MACROD2: variants seen among roughly 807,000 people sequenced by gnomAD.
MACROD2 encodes ADP-ribose glycohydrolase MACROD2.
In MACROD2, 36 loss-of-function variants were observed where a neutral mutation model predicts 70.4. That is an observed-to-expected ratio of 0.51 (90% CI 0.39 to 0.68). The LOEUF (loss-of-function observed/expected upper bound fraction) is 0.68. Ranked by LOEUF, MACROD2 falls within the 30% of genes least tolerant of loss-of-function variation. MACROD2 has a pLI of 0.00. For synonymous variants in MACROD2, 172 were observed against 178.8 expected (o/e 0.96, Z 0.30); for missense variants, 496 against 538.4 (o/e 0.92, Z 0.78).
At chr20:15,275,076 G>A (rs979980055) in intron 6 of MACROD2, among the ~76,000 whole-genome samples, 10 of 152,158 alleles carry the variant, frequency 6.6e-5, no homozygotes, top group African/African-American at 1.2e-4. Context: ...GCTAAAGGGT[G>A]AAGAATTAGG....
At chr20:14,231,036 T>C (rs1308703110) in intron 3 of MACROD2, among the ~76,000 whole-genome samples, 1 of 151,884 alleles carries the variant, frequency 6.6e-6, no homozygotes, top group African/African-American at 2.4e-5. Context: ...AATCTTAAAA[T>C]ATTCAGTAGA....
intron 8 of MACROD2, among the ~76,000 whole-genome samples, chr20:15,743,439 T>C (rs1231958296): frequency 1.3e-5 from 2 of 152,196 alleles, no homozygotes; most frequent in Non-Finnish European, 2.9e-5. Context: ...GGTACTGGAA[T>C]GCAAAAATAT....
chr20:15,796,191 T>A (rs940640893), intron 8 of MACROD2, among the ~76,000 whole-genome samples: 1 of 152,198 alleles, frequency 6.6e-6, no homozygotes, highest in Non-Finnish European at 1.5e-5. Context: ...ATACACTGCC[T>A]TATCTGAGCC....
In MACROD2 at chr20:14,917,624, A is replaced by T. The variant is rs1293397895; in HGVS notation, c.418+232665A>T. Among the ~76,000 whole-genome samples, 5 of 152,122 alleles carry T rather than the reference A, an allele frequency of 3.3e-5. No homozygotes were observed. The East Asian group carries it at 9.6e-4, about 29-fold the overall frequency. The stretch of plus-strand genomic sequence containing the variant: ...CAAACCTCCAAAACACACCGACTAC[A>T]ACAAATACAGGACAACAAACAGCAA... On this transcript the variant is annotated intron_variant, in intron 5 of 17. Transcript: ENST00000684519.
rs115077708 is a variant in MACROD2 at position 15,624,707 on chromosome 20, C to T, written c.645+124860C>T. On this transcript the variant is annotated intron_variant, in intron 8 of 17. Coordinates refer to ENST00000684519, the MANE Select transcript of MACROD2 (RefSeq NM_001351661.2). ...CAGAGTTGAGTTGTTACGGTGGAAA[C>T]AACATTCTCCAAAGCCTACAACATT... Among the ~76,000 whole-genome samples, 411 of 152,272 alleles carry T rather than the reference C, an allele frequency of 2.7e-3. 1 individual carries two copies. The highest frequency in any genetic ancestry group is 9.7e-3 in the African/African-American group (402 of 41,556).
At chr20:14,085,021 G>A (rs994877476) in intron 2 of MACROD2, among the ~76,000 whole-genome samples, 2 of 146,256 alleles carry the variant, frequency 1.4e-5, no homozygotes, top group African/African-American at 5.1e-5. Context: ...CCAGCTACTT[G>A]GTTGGGGGGT....
chr20:14,519,468 G>A (rs1287278700), intron 4 of MACROD2, among the ~76,000 whole-genome samples: 1 of 152,100 alleles, frequency 6.6e-6, no homozygotes, highest in Non-Finnish European at 1.5e-5. Flanking sequence ...ATGAAAAAAT[G>A]TTCAACATCA....
intron 8 of MACROD2, among the ~76,000 whole-genome samples, chr20:15,556,918 A>G (rs919892445): frequency 6.6e-6 from 1 of 152,216 alleles, no homozygotes; most frequent in Non-Finnish European, 1.5e-5. Context: ...CCTTAGAATC[A>G]GTTTCCAACT....
chr20:14,491,474 A>G (rs1435623727), intron 3 of MACROD2, among the ~76,000 whole-genome samples: 1 of 152,244 alleles, frequency 6.6e-6, no homozygotes, highest in African/African-American at 2.4e-5. Flanking sequence ...GAATATCACA[A>G]TTTTGTAAAA....
At chr20:15,304,026 T>C (rs1200506737) in intron 6 of MACROD2, among the ~76,000 whole-genome samples, 2 of 152,234 alleles carry the variant, frequency 1.3e-5, no homozygotes, top group Non-Finnish European at 2.9e-5. Flanking sequence ...TTTTCACAAT[T>C]CTTCTTGGCC....
chr20:14,954,985 A>AAT, intron 5 of MACROD2, among the ~76,000 whole-genome samples: 5 of 102,098 alleles, frequency 4.9e-5, no homozygotes, highest in Admixed American at 2.3e-4. Flanking sequence ...AATTAAATAT[A>AAT]TTAAATATAT....
chr20:15,843,909 T>C (rs557413947), intron 8 of MACROD2, among the ~76,000 whole-genome samples: 1 of 152,190 alleles, frequency 6.6e-6, no homozygotes, highest in African/African-American at 2.4e-5. Context: ...ATGGTTGTTT[T>C]TTCATGGTTT....
chr20:15,643,264 G>T (rs1285519323), intron 8 of MACROD2, among the ~76,000 whole-genome samples: 2 of 152,000 alleles, frequency 1.3e-5, no homozygotes, highest in African/African-American at 4.8e-5. Flanking sequence ...GGCTTATTTG[G>T]ATACCATACT....
At position 14,531,754 on chromosome 20, in the gene MACROD2, G is replaced by C. The variant is rs570692034; in HGVS notation, c.301+38246G>C. ...ATGATACATAGAAATTAAATGTCCT[G>C]CCCCAGCTATAGCCATAAGCAGTCC... On this transcript the variant is annotated intron_variant, in intron 4 of 17. Coordinates refer to ENST00000684519, the MANE Select transcript of MACROD2 (RefSeq NM_001351661.2). 4.0e-4 allele frequency among the ~76,000 whole-genome samples: 61 copies of C among 152,184 alleles called. 1 individual carries two copies. Among genetic ancestry groups the C allele is most frequent in the Admixed American group, 3.8e-3 (58 of 15,290 alleles).
intron 3 of MACROD2, among the ~76,000 whole-genome samples, chr20:14,294,651 A>G (rs2082412603): frequency 6.6e-6 from 1 of 151,872 alleles, no homozygotes; most frequent in Admixed American, 6.6e-5. Context: ...ATATCATAGA[A>G]GCAAACAACA....
intron 3 of MACROD2, among the ~76,000 whole-genome samples, chr20:14,302,418 A>G (rs566311127): frequency 1.3e-5 from 2 of 152,318 alleles, no homozygotes; most frequent in East Asian, 3.9e-4. Context: ...ATGTTATAAA[A>G]GAGTGAAAAT....
At chr20:14,525,189 A>G (rs2085217173) in intron 4 of MACROD2, among the ~76,000 whole-genome samples, 1 of 152,212 alleles carries the variant, frequency 6.6e-6, no homozygotes, top group African/African-American at 2.4e-5. Context: ...CTATCAGTCT[A>G]ATTACCATGT....
chr20:15,393,280 G>A (rs1272247413), intron 6 of MACROD2, among the ~76,000 whole-genome samples: 3 of 152,084 alleles, frequency 2.0e-5, no homozygotes, highest in Admixed American at 6.5e-5. Context: ...GTGTGTGATT[G>A]GAAGGGAACA....
intron 4 of MACROD2, among the ~76,000 whole-genome samples, chr20:14,557,973 G>T (rs746580491): frequency 2.0e-5 from 3 of 151,730 alleles, no homozygotes; most frequent in African/African-American, 4.8e-5. Flanking sequence ...CAACTTAAAT[G>T]TCCATCATCT....
Sources: allele counts gnomAD v4.1 joint callset (sites outside exome capture counted in the v4.1 genomes callset), GRCh38; gene constraint gnomAD v4.1.1; transcripts MANE v1.5; gene names NCBI Gene and HGNC (gene_info 2026-07-23, HGNC 2026-07-21).